The following DNAH14 variants were observed in gnomAD, a reference collection of about 807,000 sequenced individuals.
DNAH14 encodes dynein axonemal heavy chain 14, also known as axonemal beta dynein heavy chain 14.
DNAH14 carries 478 observed loss-of-function variants against 520.9 expected under a neutral mutation model. The ratio of observed to expected loss-of-function variants is 0.92; its 90% CI spans 0.85 to 0.99. DNAH14 has a LOEUF of 0.99. Ranked by LOEUF, DNAH14 falls within the 50% of genes least tolerant of loss-of-function variation. The probability of loss-of-function intolerance (pLI) is 0.00; values close to 1 mark genes in which losing one functional copy is unlikely to be tolerated. For synonymous variants in DNAH14, 1,581 were observed against 1,757.2 expected, an observed-to-expected ratio of 0.90 and a Z score of 2.51; for missense variants, 4,831 against 5,234.5, an observed-to-expected ratio of 0.92 and a Z score of 2.38.
intron 66 of DNAH14, among the ~76,000 whole-genome samples, chr1:225,334,409 T>C: frequency 6.6e-6 from 1 of 152,046 alleles, no homozygotes; most frequent in East Asian, 1.9e-4. Context: ...GGTGGGAGGA[T>C]CACATGAGCC....
intron 27 of DNAH14, among the ~76,000 whole-genome samples, chr1:225,138,156 A>G (rs1301233060): frequency 6.6e-6 from 1 of 152,068 alleles, no homozygotes; most frequent in Admixed American, 6.5e-5. Context: ...GGAACCAAGG[A>G]CCTGCCCAGT....
chr1:225,335,723 A>ATG (rs2094982982), intron 66 of DNAH14, among the ~76,000 whole-genome samples: 3 of 102,948 alleles, frequency 2.9e-5, no homozygotes, highest in Non-Finnish European at 5.7e-5. Flanking sequence ...ATACGCATAT[A>ATG]TACATATGTG....
intron 10 of DNAH14, among the ~76,000 whole-genome samples, chr1:225,019,295 C>T (rs529982642): frequency 4.6e-5 from 7 of 152,142 alleles, no homozygotes; most frequent in African/African-American, 1.7e-4. Context: ...CTAAAACAGA[C>T]CTTAAACAAA....
rs544743817 is a variant in DNAH14, at chr1:225,322,873, A to G, written c.9495+50A>G. The G allele has an allele frequency of 6.9e-6, 10 of 1,450,714 alleles. No homozygotes were observed. The African/African-American group carries it at 1.3e-4, about 18-fold the overall frequency. The allele number at this position is 1,450,714 out of a possible 1,614,324, so 89.9% of individuals were successfully genotyped here. ...GCATCTCATATTTACAGTCTGTGGG[A>G]TCAAACAGACCACCTGCCATCTAAA... On this transcript the variant is annotated intron_variant, in intron 62 of 85. Coordinates refer to ENST00000682510, the MANE Select transcript of DNAH14 (RefSeq NM_001367479.1).
At chr1:225,194,062 G>A (rs2085790450) in intron 38 of DNAH14, among the ~76,000 whole-genome samples, 1 of 151,918 alleles carries the variant, frequency 6.6e-6, no homozygotes, top group African/African-American at 2.4e-5. Context: ...ACAAACAAAT[G>A]GAAAAACATT....
At chr1:224,977,112 G>T (rs534688487) in intron 8 of DNAH14, among the ~76,000 whole-genome samples, 11 of 151,782 alleles carry the variant, frequency 7.2e-5, no homozygotes, top group African/African-American at 2.7e-4. Flanking sequence ...TGATAGACTG[G>T]ATTAAGAAAA....
intron 50 of DNAH14, among the ~76,000 whole-genome samples, chr1:225,271,256 C>T (rs1348905416): frequency 6.6e-6 from 1 of 152,114 alleles, no homozygotes; most frequent in Non-Finnish European, 1.5e-5. Flanking sequence ...TTACCTTGGT[C>T]CCAGTTGGCA....
chr1:225,256,007 A>G (rs2092719769), intron 44 of DNAH14, among the ~76,000 whole-genome samples: 1 of 152,188 alleles, frequency 6.6e-6, no homozygotes, highest in Non-Finnish European at 1.5e-5. Context: ...CCAATTTTTA[A>G]CTCAATGCTG....
intron 41 of DNAH14, among the ~76,000 whole-genome samples, chr1:225,212,821 A>T (rs2088642150): frequency 6.6e-6 from 1 of 152,098 alleles, no homozygotes; most frequent in Non-Finnish European, 1.5e-5. Flanking sequence ...CTTTGTCAGA[A>T]GGGTAGATTG....
In DNAH14 at chr1:225,364,889, T is replaced by C. The variant is rs1485384470; in HGVS notation, c.12085T>C (p.Leu4029=). The part of the protein sequence containing the change: ...SFPIPVLKKG[L]KIAVESPQGL... ...TCCAATTCCTGTTCTTAAAAAGGGT[T>C]TAAAGGTAAGAACAAAGTATAACAG... is the stretch of plus-strand genomic sequence containing the variant. Residue 4029 remains leucine (L), a synonymous_variant, in exon 76 of 86, where the codon TTA becomes CTA. Coordinates refer to ENST00000682510, the MANE Select transcript of DNAH14 (RefSeq NM_001367479.1). 6.5e-7 allele frequency: 1 copy of C among 1,544,766 alleles called. No individual in the cohort carries two copies. The highest frequency in any genetic ancestry group is 1.4e-5 in the African/African-American group (1 of 72,790).
chr1:225,008,070 C>T (rs111324438), intron 10 of DNAH14, among the ~76,000 whole-genome samples: 8,758 of 151,962 alleles, frequency 0.058, 347 homozygotes, highest in Non-Finnish European at 0.078. Flanking sequence ...GCTATCCCTC[C>T]CCTTACCCCC....
Position 225,079,129 on chromosome 1 carries a change from G to A in DNAH14, c.2425-78G>A, listed in dbSNP as rs1013536270. On this transcript the variant is annotated intron_variant, in intron 17 of 85. Transcript: ENST00000682510. ...TCTGAAATTAGACTTATATAAGTCA[G>A]AGAAATTAAAAAGAGTAATTAGTCT... 207 of 1,283,158 alleles carry A rather than the reference G, an allele frequency of 1.6e-4. 1 individual carries two copies. Among genetic ancestry groups the A allele is most frequent in the Non-Finnish European group, 2.1e-4 (197 of 930,002 alleles). The allele number at this position is 1,283,158 out of a possible 1,614,324, so 79.5% of individuals were successfully genotyped here.
chr1:225,199,499 T>C (rs1419696796), intron 38 of DNAH14, among the ~76,000 whole-genome samples: 2 of 152,188 alleles, frequency 1.3e-5, no homozygotes, highest in Non-Finnish European at 2.9e-5. Flanking sequence ...CTCTTAGCAC[T>C]GCCTTTGCTG....
intron 2 of DNAH14, chr1:224,953,107 G>T: frequency 5.7e-6 from 1 of 176,102 alleles, no homozygotes; most frequent in Non-Finnish European, 1.2e-5. Context: ...CAAAAAATAG[G>T]TACATTAGAT....
intron 41 of DNAH14, among the ~76,000 whole-genome samples, chr1:225,222,833 A>G (rs1368531623): frequency 3.3e-5 from 5 of 152,138 alleles, no homozygotes; most frequent in African/African-American, 1.2e-4. Context: ...CCCATAACCC[A>G]TGGTTCCCAG....
chr1:224,977,347 G>A (rs2061931183), intron 8 of DNAH14, among the ~76,000 whole-genome samples: 1 of 115,500 alleles, frequency 8.7e-6, no homozygotes, highest in East Asian at 3.2e-4. Flanking sequence ...TGGGGTGGGG[G>A]GAGGGTGAAG....
rs374711044 is a variant in DNAH14 at position 225,161,966 on chromosome 1, C to T, written c.5445+2481C>T. ...TCCCATTCTGTGGGTTGTCTCTTCA[C>T]TTTGTTGATTGCATCCTTTGCTGTG... On this transcript the variant is annotated intron_variant, in intron 35 of 85. Coordinates refer to ENST00000682510, the MANE Select transcript of DNAH14 (RefSeq NM_001367479.1). Among the ~76,000 whole-genome samples the T allele has an allele frequency of 9.0e-4, 137 of 152,272 alleles. 1 individual carries two copies. Among genetic ancestry groups the T allele is most frequent in the African/African-American group, 3.1e-3 (130 of 41,536 alleles).
intron 17 of DNAH14, among the ~76,000 whole-genome samples, chr1:225,060,271 C>T (rs1288063205): frequency 6.6e-6 from 1 of 152,068 alleles, no homozygotes; most frequent in Non-Finnish European, 1.5e-5. Context: ...ATTTGATCTT[C>T]CATCACTGAT....
Position 225,324,345 on chromosome 1 carries a change from G to A in DNAH14, c.9619G>A (p.Val3207Ile). 1 of 1,551,620 alleles carries A rather than the reference G, an allele frequency of 6.4e-7. No individual in the cohort carries two copies. Among genetic ancestry groups the A allele is most frequent in the Non-Finnish European group, 8.7e-7 (1 of 1,146,962 alleles). ...TATAGCTTTGAATAACTACCATGAAGTACAGAAGGTATGCTTTTCCTCCTA... is the reference window on the plus strand; with the variant it reads ...TATAGCTTTGAATAACTACCATGAAATACAGAAGGTATGCTTTTCCTCCTA... Reference protein sequence around the residue: ...WVIALNNYHEVQKVVGPKQIQ... With the variant: ...WVIALNNYHEIQKVVGPKQIQ... Residue 3207 changes from valine (V) to isoleucine (I), a missense_variant, in exon 63 of 86, where the codon GTA becomes ATA. Coordinates refer to ENST00000682510, the MANE Select transcript of DNAH14 (RefSeq NM_001367479.1).
Sources: gnomAD v4.1 joint callset for allele counts (sites outside exome capture counted in the v4.1 genomes callset) on GRCh38, gnomAD v4.1.1 for gene constraint, MANE v1.5 for transcripts, NCBI Gene and HGNC (gene_info 2026-07-23, HGNC 2026-07-21) for gene names.